NAALADL2: variants seen among roughly 807,000 people sequenced by gnomAD.
NAALADL2 encodes the protein inactive N-acetylated-alpha-linked acidic dipeptidase-like protein 2.
Under a neutral mutation model 87.2 loss-of-function variants are expected in NAALADL2, and 76 were observed. That is an observed-to-expected ratio of 0.87 (90% CI 0.72 to 1.05). The LOEUF (loss-of-function observed/expected upper bound fraction) is 1.05. Among genes scored for constraint, NAALADL2 ranks in the 50% least tolerant of loss-of-function variants. The pLI, the probability that NAALADL2 is intolerant of heterozygous loss-of-function variation, is 0.00. For synonymous variants in NAALADL2, 354 were observed against 331.0 expected, an observed-to-expected ratio of 1.07 and a Z score of -0.75; for missense variants, 1,089 against 945.8, an observed-to-expected ratio of 1.15 and a Z score of -1.99.
chr3:175,343,516 T>G (rs1308777540), intron 5 of NAALADL2, among the ~76,000 whole-genome samples: 1 of 152,046 alleles, frequency 6.6e-6, no homozygotes, highest in Non-Finnish European at 1.5e-5. Context: ...TTATGGAAAT[T>G]AAGCAAGGAC....
At chr3:175,105,712 T>C (rs1231193739) in intron 2 of NAALADL2, among the ~76,000 whole-genome samples, 1 of 151,172 alleles carries the variant, frequency 6.6e-6, no homozygotes, top group Non-Finnish European at 1.5e-5. Flanking sequence ...AAATTTTATC[T>C]ATGTACTCAT....
chr3:175,282,609 T>C (rs1754452838), intron 4 of NAALADL2, among the ~76,000 whole-genome samples: 1 of 151,978 alleles, frequency 6.6e-6, no homozygotes, highest in South Asian at 2.1e-4. Context: ...CCCACCAAAC[T>C]CTACTGGAAG....
chr3:175,039,249 C>T (rs1753769773), intron 1 of NAALADL2, among the ~76,000 whole-genome samples: 1 of 152,154 alleles, frequency 6.6e-6, no homozygotes, highest in African/African-American at 2.4e-5. Flanking sequence ...TCACTGCAAC[C>T]TCTGCCTCCT....
At chr3:175,438,699 A>G (rs778817695) in intron 5 of NAALADL2, among the ~76,000 whole-genome samples, 2 of 152,054 alleles carry the variant, frequency 1.3e-5, no homozygotes, top group Non-Finnish European at 2.9e-5. Context: ...AAGTCAAGTC[A>G]CTTAGCTATT....
intron 4 of NAALADL2, among the ~76,000 whole-genome samples, chr3:175,275,001 A>G (rs1390456499): frequency 6.6e-6 from 1 of 152,212 alleles, no homozygotes; most frequent in African/African-American, 2.4e-5. Flanking sequence ...GTGAAACACC[A>G]GCTATTTCTG....
intron 3 of NAALADL2, among the ~76,000 whole-genome samples, chr3:174,758,497 T>TAGA (rs763403906): frequency 1.2e-4 from 19 of 152,206 alleles, no homozygotes; most frequent in Non-Finnish European, 2.4e-4. Context: ...TAAATGTTGA[T>TAGA]AGAGTAGGTT....
At chr3:175,081,442 G>T (rs953535119) in intron 1 of NAALADL2, among the ~76,000 whole-genome samples, 1 of 152,060 alleles carries the variant, frequency 6.6e-6, no homozygotes, top group Non-Finnish European at 1.5e-5. Flanking sequence ...TTTAATACCA[G>T]CTTCTCCTTG....
At chr3:175,442,716 T>C (rs2149207576) in intron 5 of NAALADL2, among the ~76,000 whole-genome samples, 2 of 152,334 alleles carry the variant, frequency 1.3e-5, no homozygotes, top group African/African-American at 4.8e-5. Flanking sequence ...TGTTTGAGTC[T>C]TTATCTGGAT....
intron 1 of NAALADL2, among the ~76,000 whole-genome samples, chr3:174,525,539 C>G (rs987896364): frequency 6.6e-6 from 1 of 152,084 alleles, no homozygotes; most frequent in Non-Finnish European, 1.5e-5. Flanking sequence ...GGATTCACCC[C>G]CATGATCCAG....
At position 175,201,966 on chromosome 3, in the gene NAALADL2, C is replaced by A. The variant is rs533172619; in HGVS notation, c.546-31965C>A. On this transcript the variant is annotated intron_variant, in intron 2 of 13. Coordinates refer to ENST00000454872, the MANE Select transcript of NAALADL2 (RefSeq NM_207015.3). ...ATTTCTTAACTTTATGTATCACTTA[C>A]ATGGTACTATCATGTTTTAAGCACT... 4.6e-5 allele frequency among the ~76,000 whole-genome samples: 7 copies of A among 152,276 alleles called. No individual in the cohort carries two copies. The South Asian group carries it at 6.2e-4, about 14-fold the overall frequency.
chr3:174,568,397 C>T (rs892429337), intron 2 of NAALADL2, among the ~76,000 whole-genome samples: 1 of 151,746 alleles, frequency 6.6e-6, no homozygotes, highest in Non-Finnish European at 1.5e-5. Flanking sequence ...AAAGTCTTTT[C>T]ACCACACCGT....
chr3:175,234,345 A>G lies in NAALADL2; in HGVS notation c.819+141A>G, dbSNP rs947651736. The G allele has an allele frequency of 9.8e-6, 9 of 916,822 alleles. No homozygotes were observed. The African/African-American group carries it at 1.3e-4, about 14-fold the overall frequency. The allele number at this position is 916,822 out of a possible 1,614,324, so 56.8% of individuals were successfully genotyped here. ...TTTCAGTGTGGAAGTGCCAGGAAAG[A>G]GAAGGAAGATGTGGCCCTCCTGACC... On this transcript the variant is annotated intron_variant, in intron 3 of 13. Coordinates refer to ENST00000454872, the MANE Select transcript of NAALADL2 (RefSeq NM_207015.3).
chr3:175,689,805 A>G (rs1736802922), intron 11 of NAALADL2, among the ~76,000 whole-genome samples: 1 of 152,086 alleles, frequency 6.6e-6, no homozygotes, highest in Admixed American at 6.6e-5. Flanking sequence ...AAGAACTTGC[A>G]AATTTGAGAT....
At chr3:175,590,804 A>G (rs28372597) in intron 10 of NAALADL2, among the ~76,000 whole-genome samples, 7,452 of 152,226 alleles carry the variant, frequency 0.049, 598 homozygotes, top group African/African-American at 0.17. Flanking sequence ...CAATGAAAAC[A>G]ATTGGAGTTA....
intron 4 of NAALADL2, among the ~76,000 whole-genome samples, chr3:175,321,982 A>C (rs1759951202): frequency 6.6e-6 from 1 of 151,856 alleles, no homozygotes; most frequent in Non-Finnish European, 1.5e-5. Flanking sequence ...AACTGGAAAA[A>C]ACTACTTTAA....
intron 13 of NAALADL2, among the ~76,000 whole-genome samples, chr3:175,793,540 C>A: frequency 6.6e-6 from 1 of 151,800 alleles, no homozygotes; most frequent in Admixed American, 6.6e-5. Flanking sequence ...TGGCCTCAAT[C>A]TCCTGACCTC....
chr3:175,243,353 C>T (rs1257013165), intron 3 of NAALADL2, among the ~76,000 whole-genome samples: 1 of 151,944 alleles, frequency 6.6e-6, no homozygotes, highest in African/African-American at 2.4e-5. Flanking sequence ...CACGCACGCA[C>T]ACACACACGC....
At chr3:175,631,442 C>G (rs575420418) in intron 11 of NAALADL2, among the ~76,000 whole-genome samples, 2 of 144,650 alleles carry the variant, frequency 1.4e-5, no homozygotes, top group African/African-American at 5.1e-5. Flanking sequence ...CACTGTTTCC[C>G]TGTAGTTCTT....
intron 2 of NAALADL2, among the ~76,000 whole-genome samples, chr3:175,183,654 C>T (rs1458925356): frequency 2.6e-5 from 4 of 151,938 alleles, no homozygotes; most frequent in Non-Finnish European, 4.4e-5. Context: ...GTGTATTAAA[C>T]CACCCTCGGA....
Sources: allele counts gnomAD v4.1 joint callset (sites outside exome capture counted in the v4.1 genomes callset), GRCh38; gene constraint gnomAD v4.1.1; transcripts MANE v1.5; gene names NCBI Gene and HGNC (gene_info 2026-07-23, HGNC 2026-07-21).